The following CPLANE1 variants were observed in gnomAD, a reference collection of about 807,000 sequenced individuals.
CPLANE1 encodes ciliogenesis and planar polarity effector 1.
In CPLANE1, 263 loss-of-function variants were observed where a neutral mutation model predicts 362.5. The observed-to-expected ratio is 0.73, with a 90% CI of 0.66 to 0.80. CPLANE1 has a LOEUF of 0.80. Among genes scored for constraint, CPLANE1 ranks in the 30% least tolerant of loss-of-function variants. The pLI is 0.00. For synonymous variants in CPLANE1, 1,212 were observed against 1,302.6 expected, an observed-to-expected ratio of 0.93 and a Z score of 1.50; for missense variants, 3,461 against 3,793.4, an observed-to-expected ratio of 0.91 and a Z score of 2.30.
the CPLANE1 span, among the ~76,000 whole-genome samples, chr5:37,095,531 C>G: frequency 6.6e-6 from 1 of 152,054 alleles, no homozygotes; most frequent in South Asian, 2.1e-4. Flanking sequence ...AACAAGGATG[C>G]CCACTCTCAC....
At chr5:37,085,168 TGA>T in the CPLANE1 span, 166 of 796,250 alleles carry the variant, frequency 2.1e-4, 2 homozygotes, top group South Asian at 1.6e-3. Context: ...CCTCACAAGT[TGA>T]GAGAGTGTCT....
rs1783059979 is a variant in CPLANE1, at chr5:37,182,882, A to G, written c.5299T>C (p.Ser1767Pro). ...RLLCDSGITE[S>P]SSEYSPVIRV... The stretch of plus-strand genomic sequence containing the variant: ...ATTACTGGACTGTACTCAGAGGATG[A>G]CTCAGTTATACCAGAATCACAGAGT... Residue 1767 changes from serine (S) to proline (P), a missense_variant, in exon 26 of 53, where the codon TCA (serine) becomes CCA (proline). This residue lies in a region of CPLANE1 where 3,380 missense variants were observed against 3,666.1 expected (regional missense o/e 0.92). Coordinates refer to ENST00000651892, the MANE Select transcript of CPLANE1 (RefSeq NM_001384732.1). 2 of 1,608,826 alleles carry G rather than the reference A, an allele frequency of 1.2e-6. No homozygotes were observed. The highest frequency in any genetic ancestry group is 1.7e-6 in the Non-Finnish European group (2 of 1,178,602).
At position 37,231,065 on chromosome 5, in the gene CPLANE1, G is replaced by C; in HGVS notation, c.939-16C>G. 5.4e-6 allele frequency: 8 copies of C among 1,492,232 alleles called. No individual in the cohort carries two copies. Among genetic ancestry groups the C allele is most frequent in the Non-Finnish European group, 7.2e-6 (8 of 1,117,784 alleles). 92.4% of individuals were successfully genotyped at this position (1,492,232 alleles called of 1,614,324 possible). On this transcript the variant is annotated splice_polypyrimidine_tract_variant and intron_variant, in intron 8 of 52. Transcript: ENST00000651892. ...CCAGTAGGACCTATAATAAATAAGA[G>C]ACAACATGTTTAGAAGAGATACTTT... is the stretch of plus-strand genomic sequence containing the variant.
At chr5:37,100,859 T>A in the CPLANE1 span, among the ~76,000 whole-genome samples, 5 of 152,214 alleles carry the variant, frequency 3.3e-5, no homozygotes, top group African/African-American at 1.2e-4. Context: ...GGTATTTTAT[T>A]CTCTTTGTAG....
intron 6 of CPLANE1, 74 bp from the exon 7 acceptor site, chr5:37,239,943 A>T: frequency 9.1e-7 from 1 of 1,097,010 alleles, no homozygotes; most frequent in Middle Eastern, 2.2e-4. Flanking sequence ...CATTACAAAA[A>T]TTAAAGGATC....
the CPLANE1 span, chr5:37,085,336 C>T: frequency 7.1e-4 from 947 of 1,325,110 alleles, 1 homozygote; most frequent in Admixed American, 9.6e-4. Context: ...ATTGACAAGA[C>T]GGGAGATAAT....
At chr5:37,165,482 A>G in intron 36 of CPLANE1, 57 bp downstream of exon 36, 1 of 1,560,582 alleles carries the variant, frequency 6.4e-7, no homozygotes, top group Non-Finnish European at 8.8e-7. Flanking sequence ...CCACAAAGAC[A>G]TACCAAACTC....
chr5:37,129,566 C>T (rs1161774222), intron 46 of CPLANE1, among the ~76,000 whole-genome samples: 2 of 151,784 alleles, frequency 1.3e-5, no homozygotes, highest in Non-Finnish European at 2.9e-5. Flanking sequence ...AAAAAAATTC[C>T]ATCAAAACAA....
rs1740988421 is a variant in CPLANE1 at position 37,249,365 on chromosome 5, C to T, written c.-168G>A. 2 of 152,314 alleles carry T rather than the reference C, an allele frequency of 1.3e-5. No homozygotes were observed. Among genetic ancestry groups the T allele is most frequent in the African/African-American group, 2.4e-5 (1 of 41,450 alleles). 9.4% of individuals were successfully genotyped at this position (152,314 alleles called of 1,614,324 possible). On this transcript the variant is annotated 5_prime_UTR_variant, in exon 1 of 53. Coordinates refer to ENST00000651892, the MANE Select transcript of CPLANE1 (RefSeq NM_001384732.1). ...TACCGCCAGCCCTGACGCGAGCCTGCGTCCTGGCGACGGCGGAGGGCGGGC... is the reference window on the plus strand; with the variant it reads ...TACCGCCAGCCCTGACGCGAGCCTGTGTCCTGGCGACGGCGGAGGGCGGGC...
Position 37,162,456 on chromosome 5 carries a change from A to G in CPLANE1, c.7690+9T>C, listed in dbSNP as rs1777084577. The G allele has an allele frequency of 2.6e-6, 4 of 1,549,216 alleles. No individual in the cohort carries two copies. The highest frequency in any genetic ancestry group is 3.5e-6 in the Non-Finnish European group (4 of 1,129,640). ...TATGAATTTTTTTAAAAAGTAAAACAGCATTTACCTGGGTCTGTATTTGTA... is the reference window on the plus strand; with the variant it reads ...TATGAATTTTTTTAAAAAGTAAAACGGCATTTACCTGGGTCTGTATTTGTA... On this transcript the variant is annotated intron_variant, in intron 38 of 52. Coordinates refer to ENST00000651892, the MANE Select transcript of CPLANE1 (RefSeq NM_001384732.1).
chr5:37,147,272 A>G (rs1771953214), intron 43 of CPLANE1, among the ~76,000 whole-genome samples: 1 of 152,266 alleles, frequency 6.6e-6, no homozygotes, highest in Non-Finnish European at 1.5e-5. Flanking sequence ...GGAAATTTTA[A>G]CAAATATCTA....
chr5:37,195,050 G>C (rs569778383), intron 21 of CPLANE1, among the ~76,000 whole-genome samples: 1 of 151,812 alleles, frequency 6.6e-6, no homozygotes, highest in East Asian at 1.9e-4. Flanking sequence ...AGCTACTTGG[G>C]AGGCTGAGGC....
In CPLANE1 at chr5:37,234,947, C is replaced by CT. The variant is rs566295686; in HGVS notation, c.939-3899dup. On this transcript the variant is annotated intron_variant, in intron 8 of 52. Transcript: ENST00000651892. Reference sequence around the variant, plus strand: ...AACTGGAACAATACAAGGATGCCTACTTTTACCACACCTATTCAACATAAT... The same window carrying CT: ...AACTGGAACAATACAAGGATGCCTACTTTTTACCACACCTATTCAACATAAT... Among the ~76,000 whole-genome samples, 7 of 152,228 alleles carry CT rather than the reference C, an allele frequency of 4.6e-5. No individual in the cohort carries two copies. In the East Asian group the frequency reaches 1.3e-3, roughly 29 times the overall value.
chr5:37,121,533 T>G, intron 49 of CPLANE1, 84 bp downstream of exon 49: 2 of 1,275,314 alleles, frequency 1.6e-6, no homozygotes, highest in South Asian at 2.7e-5. Flanking sequence ...GCAAATGCAC[T>G]GAACTTAGGT....
Position 37,180,999 on chromosome 5 carries a change from CTACCATCTAAAGCAAACCATT to C in CPLANE1, c.5422-15_5427del, listed in dbSNP as rs776088614. On this transcript the variant is annotated splice_acceptor_variant and splice_polypyrimidine_tract_variant and coding_sequence_variant and intron_variant, in exon 27 of 53. Coordinates refer to ENST00000651892, the MANE Select transcript of CPLANE1 (RefSeq NM_001384732.1). LOFTEE classifies it high-confidence loss of function. ...ATCTGACACCCAGTGTCACGATTCT[CTACCATCTAAAGCAAACCATT>C]TAAAGTATTTAGTATTTATTGAACC... 1.2e-6 allele frequency: 2 copies of C among 1,613,448 alleles called. No homozygotes were observed. The highest frequency in any genetic ancestry group is 1.7e-6 in the Non-Finnish European group (2 of 1,179,762).
At chr5:37,140,475 A>T in intron 44 of CPLANE1, 1 of 984,622 alleles carries the variant, frequency 1.0e-6, no homozygotes, top group Non-Finnish European at 1.2e-6. Context: ...TAAATCTAAG[A>T]TTAGCGTAAT....
At chr5:37,200,892 C>T (rs1328344988) in intron 19 of CPLANE1, among the ~76,000 whole-genome samples, 5 of 152,060 alleles carry the variant, frequency 3.3e-5, no homozygotes, top group Non-Finnish European at 4.4e-5. Context: ...GGTGCAATCT[C>T]GGCTCACTAC....
At chr5:37,147,519 C>T (rs1772027565) in intron 43 of CPLANE1, among the ~76,000 whole-genome samples, 1 of 151,872 alleles carries the variant, frequency 6.6e-6, no homozygotes, top group Admixed American at 6.6e-5. Flanking sequence ...CTCAATTACA[C>T]ATATTAGAAA....
chr5:37,169,866 A>C (rs1273823648), intron 33 of CPLANE1, among the ~76,000 whole-genome samples, 175 bp downstream of exon 33: 1 of 152,066 alleles, frequency 6.6e-6, no homozygotes, highest in Non-Finnish European at 1.5e-5. Context: ...AGCTGGGATT[A>C]CAGGCATGCG....
Sources: allele counts gnomAD v4.1 joint callset (sites outside exome capture counted in the v4.1 genomes callset), GRCh38; gene constraint gnomAD v4.1.1; regional missense constraint gnomAD v4.1.1; transcripts MANE v1.5; gene names NCBI Gene and HGNC (gene_info 2026-07-23, HGNC 2026-07-21).